Variants in IMMP2L observed in about 807,000 individuals in gnomAD.
IMMP2L encodes inner mitochondrial membrane peptidase subunit 2.
In IMMP2L, 18 loss-of-function variants were observed where a neutral mutation model predicts 19.3. The observed-to-expected ratio is 0.93, with a 90% CI of 0.64 to 1.38. The LOEUF (loss-of-function observed/expected upper bound fraction) is 1.38, where lower values mean the gene tolerates loss of function less well. Among genes scored for constraint, IMMP2L ranks in the 40% most tolerant of loss-of-function variants. IMMP2L has a pLI of 0.00. For missense variants in IMMP2L, 233 were observed against 218.2 expected (o/e 1.07, Z -0.43); for synonymous variants, 76 against 73.0 (o/e 1.04, Z -0.21).
At chr7:111,272,295 T>C (rs1416601968) in intron 3 of IMMP2L, among the ~76,000 whole-genome samples, 1 of 152,176 alleles carries the variant, frequency 6.6e-6, no homozygotes, top group Non-Finnish European at 1.5e-5. Flanking sequence ...CTAATGTCTA[T>C]AAACAGTCTC....
chr7:110,734,967 C>T (rs182612425), intron 5 of IMMP2L, among the ~76,000 whole-genome samples: 173 of 152,334 alleles, frequency 1.1e-3, no homozygotes, highest in African/African-American at 4.0e-3. Context: ...TATGTACAGA[C>T]TTGCAGAGGT....
At chr7:111,005,757 A>G (rs539521998) in intron 3 of IMMP2L, among the ~76,000 whole-genome samples, 1 of 152,318 alleles carries the variant, frequency 6.6e-6, no homozygotes, top group African/African-American at 2.4e-5. Context: ...TTACCCCTTC[A>G]GGAGAGAGTA....
chr7:111,543,310 C>T (rs1848642294), intron 1 of IMMP2L, among the ~76,000 whole-genome samples: 2 of 152,092 alleles, frequency 1.3e-5, no homozygotes, highest in African/African-American at 4.8e-5. Flanking sequence ...GTGTGCTCTC[C>T]GTTTCAAATA....
chr7:110,988,795 A>C (rs1013163883), intron 3 of IMMP2L, among the ~76,000 whole-genome samples: 2 of 152,210 alleles, frequency 1.3e-5, no homozygotes, highest in Non-Finnish European at 2.9e-5. Flanking sequence ...TTCAAAAAAC[A>C]TGATGTTGTA....
At chr7:111,055,667 T>A (rs564801325) in intron 3 of IMMP2L, among the ~76,000 whole-genome samples, 1 of 152,308 alleles carries the variant, frequency 6.6e-6, no homozygotes, top group East Asian at 1.9e-4. Context: ...TTAATTGCTG[T>A]CCTTGGTCAA....
chr7:110,824,394 G>A (rs555742018), intron 5 of IMMP2L, among the ~76,000 whole-genome samples: 15 of 152,116 alleles, frequency 9.9e-5, no homozygotes, highest in African/African-American at 3.4e-4. Flanking sequence ...ACGTATATTA[G>A]AACTCTTTGT....
chr7:110,999,985 T>TGA (rs1823490908), intron 3 of IMMP2L, among the ~76,000 whole-genome samples: 1 of 152,168 alleles, frequency 6.6e-6, no homozygotes, highest in Non-Finnish European at 1.5e-5. Context: ...TCTACTCCCT[T>TGA]TTCTCTGGAA....
intron 3 of IMMP2L, among the ~76,000 whole-genome samples, chr7:111,004,091 A>G (rs1170797901): frequency 6.6e-6 from 1 of 152,178 alleles, no homozygotes; most frequent in Non-Finnish European, 1.5e-5. Context: ...CTAGAGGCAC[A>G]CTGTCTAGAT....
chr7:110,857,952 G>T (rs1806977919), intron 5 of IMMP2L, among the ~76,000 whole-genome samples: 2 of 151,946 alleles, frequency 1.3e-5, no homozygotes, highest in South Asian at 2.1e-4. Context: ...TCGCTTTTCT[G>T]ATATTAAAAC....
At chr7:111,342,245 T>C (rs1222094741) in intron 3 of IMMP2L, among the ~76,000 whole-genome samples, 1 of 152,072 alleles carries the variant, frequency 6.6e-6, no homozygotes, top group Non-Finnish European at 1.5e-5. Context: ...GTTTTCAATA[T>C]ATACTAAAAT....
chr7:111,264,399 T>C lies in IMMP2L; in HGVS notation c.239+222839A>G, dbSNP rs548334477. ...ACAGAAGATATTTCCAAATCAGACATTTCTGCTGGAAACAGCAGATGGGAA... is the reference window on the plus strand; with the variant it reads ...ACAGAAGATATTTCCAAATCAGACACTTCTGCTGGAAACAGCAGATGGGAA... On this transcript the variant is annotated intron_variant, in intron 3 of 5. Transcript: ENST00000405709. 8.5e-5 allele frequency among the ~76,000 whole-genome samples: 13 copies of C among 152,278 alleles called. No homozygotes were observed. The South Asian group carries it at 2.5e-3, about 29-fold the overall frequency.
At chr7:111,446,851 G>C (rs1280026630) in intron 3 of IMMP2L, among the ~76,000 whole-genome samples, 2 of 151,450 alleles carry the variant, frequency 1.3e-5, no homozygotes, top group South Asian at 2.1e-4. Flanking sequence ...CCAATACAGA[G>C]AAATGCTTAA....
At chr7:111,462,244 T>C (rs1304309525) in intron 3 of IMMP2L, among the ~76,000 whole-genome samples, 2 of 152,118 alleles carry the variant, frequency 1.3e-5, no homozygotes, top group Non-Finnish European at 2.9e-5. Context: ...CCCAATTGGA[T>C]ACATCTTAGT....
At chr7:111,052,451 A>C (rs1793091132) in intron 3 of IMMP2L, among the ~76,000 whole-genome samples, 1 of 152,242 alleles carries the variant, frequency 6.6e-6, no homozygotes, top group Admixed American at 6.5e-5. Flanking sequence ...GGCAAAGCTT[A>C]ACTTTTTCAA....
rs1433502288 is a variant in IMMP2L at position 111,272,529 on chromosome 7, T to C, written c.239+214709A>G. ...CTCCACAAGGAACCATTCTGTCTTG[T>C]TCAACATTTTAATCTCAAGGCCTGT... is the stretch of plus-strand genomic sequence containing the variant. On this transcript the variant is annotated intron_variant, in intron 3 of 5. Coordinates refer to ENST00000405709, the MANE Select transcript of IMMP2L (RefSeq NM_032549.4). Among the ~76,000 whole-genome samples, 5 of 152,202 alleles carry C rather than the reference T, an allele frequency of 3.3e-5. 1 individual carries two copies. The East Asian group carries it at 9.6e-4, about 29-fold the overall frequency.
At chr7:110,914,561 C>A (rs750044167) in intron 4 of IMMP2L, among the ~76,000 whole-genome samples, 1 of 152,128 alleles carries the variant, frequency 6.6e-6, no homozygotes, top group East Asian at 1.9e-4. Flanking sequence ...TTCTTTGGGA[C>A]ATCGTCCCCA....
intron 4 of IMMP2L, among the ~76,000 whole-genome samples, chr7:110,935,537 T>C (rs1816006175): frequency 6.6e-6 from 1 of 152,148 alleles, no homozygotes; most frequent in Non-Finnish European, 1.5e-5. Flanking sequence ...AATTTGAATG[T>C]TGATCTGTCT....
At chr7:111,561,561 A>G (rs906065144) in intron 1 of IMMP2L, among the ~76,000 whole-genome samples, 3 of 152,152 alleles carry the variant, frequency 2.0e-5, no homozygotes, top group African/African-American at 7.2e-5. Flanking sequence ...GAGAGGACCA[A>G]TGTTCCAAGG....
chr7:110,738,485 C>T (rs1214152919), intron 5 of IMMP2L, among the ~76,000 whole-genome samples: 1 of 152,102 alleles, frequency 6.6e-6, no homozygotes, highest in Non-Finnish European at 1.5e-5. Context: ...AACTCAAAAA[C>T]AAGACTTTCG....
Sources: gnomAD v4.1 joint callset for allele counts (sites outside exome capture counted in the v4.1 genomes callset) on GRCh38, gnomAD v4.1.1 for gene constraint, MANE v1.5 for transcripts, NCBI Gene and HGNC (gene_info 2026-07-23, HGNC 2026-07-21) for gene names.